SORCS3: variants seen among roughly 807,000 people sequenced by gnomAD.
The protein encoded by SORCS3 is sortilin related VPS10 domain containing receptor 3, also known as VPS10 domain-containing receptor SorCS3.
In SORCS3, 57 loss-of-function variants were observed where a neutral mutation model predicts 146.3. The observed-to-expected ratio is 0.39, with a 90% CI of 0.31 to 0.49. The LOEUF (loss-of-function observed/expected upper bound fraction) is 0.49. Among genes scored for constraint, SORCS3 ranks in the 20% least tolerant of loss-of-function variants. The pLI is 0.92. For synonymous variants in SORCS3, 653 were observed against 618.5 expected (o/e 1.06, Z -0.83); for missense variants, 1,341 against 1,575.5 (o/e 0.85, Z 2.52).
At chr10:104,842,895 G>T in intron 2 of SORCS3, 36 bp downstream of exon 2, 1 of 1,560,296 alleles carries the variant, frequency 6.4e-7, no homozygotes, top group Non-Finnish European at 8.8e-7. Context: ...AGCCACCCTG[G>T]CTTGGCTCAC....
At chr10:104,757,071 T>TG (rs1373947855) in intron 1 of SORCS3, among the ~76,000 whole-genome samples, 2 of 148,030 alleles carry the variant, frequency 1.4e-5, no homozygotes, top group African/African-American at 5.0e-5. Flanking sequence ...TAAGGGTTTT[T>TG]TTTTTTTTTT....
intron 3 of SORCS3, among the ~76,000 whole-genome samples, chr10:104,933,369 A>G (rs916913792): frequency 3.7e-4 from 57 of 152,050 alleles, no homozygotes; most frequent in African/African-American, 1.3e-3. Context: ...ACACCCAGAC[A>G]GACAGTAAAA....
At chr10:104,713,439 A>G (rs2016442249) in intron 1 of SORCS3, among the ~76,000 whole-genome samples, 1 of 152,100 alleles carries the variant, frequency 6.6e-6, no homozygotes, top group Non-Finnish European at 1.5e-5. Context: ...TTTTTTGGGT[A>G]GATATTCTTT....
At chr10:105,249,969 A>G (rs2056889350) in intron 22 of SORCS3, among the ~76,000 whole-genome samples, 2 of 152,176 alleles carry the variant, frequency 1.3e-5, no homozygotes, top group South Asian at 4.1e-4. Context: ...GGGCTGCTAT[A>G]ACAAGGTTCC....
At chr10:104,742,521 A>G (rs372929406) in intron 1 of SORCS3, among the ~76,000 whole-genome samples, 12 of 152,312 alleles carry the variant, frequency 7.9e-5, no homozygotes, top group African/African-American at 2.6e-4. Context: ...GGCCACACTC[A>G]TTGTCCAGTG....
chr10:105,230,902 C>T (rs72819908), intron 20 of SORCS3, among the ~76,000 whole-genome samples: 11,603 of 152,180 alleles, frequency 0.076, 535 homozygotes, highest in Middle Eastern at 0.17. Flanking sequence ...CTCTGGAGCA[C>T]GGATATTGCA....
At chr10:105,181,093 A>G (rs1008814551) in intron 14 of SORCS3, among the ~76,000 whole-genome samples, 6 of 152,196 alleles carry the variant, frequency 3.9e-5, no homozygotes, top group African/African-American at 1.4e-4. Context: ...ATCTTTGTGT[A>G]TCTTGTTCTT....
At chr10:105,228,317 C>A (rs963960487) in intron 20 of SORCS3, among the ~76,000 whole-genome samples, 7 of 151,612 alleles carry the variant, frequency 4.6e-5, no homozygotes, top group Admixed American at 4.6e-4. Flanking sequence ...GCCTGCCCTG[C>A]CCTCCATCAC....
chr10:105,086,337 T>A (rs1393708171), intron 5 of SORCS3, among the ~76,000 whole-genome samples: 1 of 152,166 alleles, frequency 6.6e-6, no homozygotes. Context: ...TCCACTCTAG[T>A]GAGCCAAGAG....
chr10:104,863,014 C>G (rs2018421435), intron 2 of SORCS3, among the ~76,000 whole-genome samples: 1 of 152,134 alleles, frequency 6.6e-6, no homozygotes, highest in Non-Finnish European at 1.5e-5. Flanking sequence ...TTGTTTTGTG[C>G]TCAATTATCT....
intron 3 of SORCS3, among the ~76,000 whole-genome samples, chr10:104,923,574 C>A (rs754826775): frequency 4.6e-5 from 7 of 152,186 alleles, no homozygotes; most frequent in Admixed American, 1.3e-4. Context: ...ACGCATTACC[C>A]AGGGACGCTT....
At position 105,264,657 on chromosome 10, in the gene SORCS3, C is replaced by T. The variant is rs1033420889; in HGVS notation, c.*1283C>T. 3 of 152,636 alleles carry T rather than the reference C, an allele frequency of 2.0e-5. No individual in the cohort carries two copies. Among genetic ancestry groups the T allele is most frequent in the African/African-American group, 7.2e-5 (3 of 41,452 alleles). The allele number at this position is 152,636 out of a possible 1,614,324, so 9.5% of individuals were successfully genotyped here. On this transcript the variant is annotated 3_prime_UTR_variant, in exon 27 of 27. Transcript: ENST00000369701. ...CTGTGCTATTTGCTTGTCAGATGTA[C>T]ACAACTTCCTTAAAGTCAAATGTCT...
Position 105,139,387 on chromosome 10 carries a change from C to T in SORCS3, c.1213-10C>T, listed in dbSNP as rs760275142. Reference sequence around the variant, plus strand: ...TCATCTGATCTCTTTGTGTTTCCCCCACAATCTAGGTAACAACTAGTGGAA... The same window carrying T: ...TCATCTGATCTCTTTGTGTTTCCCCTACAATCTAGGTAACAACTAGTGGAA... On this transcript the variant is annotated splice_polypyrimidine_tract_variant and intron_variant, in intron 7 of 26. Transcript: ENST00000369701. The T allele has an allele frequency of 1.9e-6, 3 of 1,609,438 alleles. No individual in the cohort carries two copies. In the South Asian group the frequency reaches 3.3e-5, roughly 18 times the overall value.
intron 1 of SORCS3, among the ~76,000 whole-genome samples, chr10:104,684,558 T>C (rs2016018918): frequency 6.6e-6 from 1 of 152,142 alleles, no homozygotes; most frequent in South Asian, 2.1e-4. Flanking sequence ...TGCGGTGTGT[T>C]TGTGGCTCCT....
Position 104,922,401 on chromosome 10 carries a change from G to A in SORCS3, c.795+6469G>A, listed in dbSNP as rs186079886. Reference sequence around the variant, plus strand: ...TTTCAGAAATGTGCAATTCACCTGGGCAGACAAGATGCACCGAAGAAAATG... The same window carrying A: ...TTTCAGAAATGTGCAATTCACCTGGACAGACAAGATGCACCGAAGAAAATG... On this transcript the variant is annotated intron_variant, in intron 3 of 26. Coordinates refer to ENST00000369701, the MANE Select transcript of SORCS3 (RefSeq NM_014978.3). 2.9e-3 allele frequency among the ~76,000 whole-genome samples: 444 copies of A among 152,300 alleles called. 2 individuals are homozygous for A. The highest frequency in any genetic ancestry group is 0.018 in the South Asian group (89 of 4,826).
At chr10:104,784,000 T>A (rs2017404218) in intron 1 of SORCS3, among the ~76,000 whole-genome samples, 2 of 152,250 alleles carry the variant, frequency 1.3e-5, no homozygotes, top group South Asian at 4.1e-4. Context: ...TGTTTTCCTC[T>A]TGGAGATTCA....
chr10:104,921,467 C>G (rs1170733931), intron 3 of SORCS3, among the ~76,000 whole-genome samples: 1 of 150,822 alleles, frequency 6.6e-6, no homozygotes, highest in African/African-American at 2.5e-5. Flanking sequence ...GACCAAATTA[C>G]TATAGTTAGA....
At chr10:105,169,389 T>TGGAATA (rs143838730) in intron 13 of SORCS3, among the ~76,000 whole-genome samples, 2,299 of 152,194 alleles carry the variant, frequency 0.015, 28 homozygotes, top group East Asian at 0.064. Context: ...TGTGTATTGC[T>TGGAATA]GGAATACTGA....
chr10:104,666,786 T>G (rs1033708871), intron 1 of SORCS3, among the ~76,000 whole-genome samples: 3 of 152,116 alleles, frequency 2.0e-5, no homozygotes, highest in Non-Finnish European at 4.4e-5. Flanking sequence ...TTTTTATTTT[T>G]TATAGAGATG....
Sources: gnomAD v4.1 joint callset for allele counts (sites outside exome capture counted in the v4.1 genomes callset) on GRCh38, gnomAD v4.1.1 for gene constraint, MANE v1.5 for transcripts, NCBI Gene and HGNC (gene_info 2026-07-23, HGNC 2026-07-21) for gene names.